SIK3: variants seen among roughly 807,000 people sequenced by gnomAD.
The protein encoded by SIK3 is serine/threonine-protein kinase SIK3.
Under a neutral mutation model 144.2 loss-of-function variants are expected in SIK3, and 28 were observed. That is an observed-to-expected ratio of 0.19 (90% CI 0.14 to 0.27). The LOEUF (loss-of-function observed/expected upper bound fraction) is 0.27. Among genes scored for constraint, SIK3 ranks in the 10% least tolerant of loss-of-function variants. SIK3 has a pLI of 1.00. For synonymous variants in SIK3, 686 were observed against 676.3 expected (o/e 1.01, Z -0.22); for missense variants, 1,319 against 1,776.0 (o/e 0.74, Z 4.62).
chr11:116,980,850 C>T (rs570681499), intron 1 of SIK3, among the ~76,000 whole-genome samples: 146 of 148,816 alleles, frequency 9.8e-4, no homozygotes, highest in African/African-American at 3.6e-3. Context: ...GACCCTGTCT[C>T]GAAAAAAAAA....
In SIK3 at chr11:116,855,083, C is replaced by CAAAAAAAAAAAAAA. The variant is rs528405922; in HGVS notation, c.3655+2713_3655+2726dup. Among the ~76,000 whole-genome samples, 150 of 82,076 alleles carry CAAAAAAAAAAAAAA rather than the reference C, an allele frequency of 1.8e-3. 11 individuals carry two copies. Among genetic ancestry groups the CAAAAAAAAAAAAAA allele is most frequent in the African/African-American group, 5.2e-3 (72 of 13,884 alleles). 53.8% of individuals were successfully genotyped at this position (82,076 alleles called of 152,430 possible). Reference sequence around the variant, plus strand: ...CATGGGTGACAGTGTGAGACTCTGCCAAAAAAAAAAAAAAAAAAAAAAAAA... The same window carrying CAAAAAAAAAAAAAA: ...CATGGGTGACAGTGTGAGACTCTGCCAAAAAAAAAAAAAAAAAAAAAAAAAAAAAAAAAAAAAAA... On this transcript the variant is annotated intron_variant, in intron 21 of 24. Coordinates refer to ENST00000445177, the MANE Select transcript of SIK3 (RefSeq NM_001366686.3).
chr11:117,042,310 G>C (rs1203071770), intron 1 of SIK3, among the ~76,000 whole-genome samples: 2 of 152,122 alleles, frequency 1.3e-5, no homozygotes, highest in Non-Finnish European at 2.9e-5. Flanking sequence ...GTATTCTTTA[G>C]ATCTATTGGC....
At chr11:116,996,746 G>A (rs190863394) in intron 1 of SIK3, among the ~76,000 whole-genome samples, 10 of 149,928 alleles carry the variant, frequency 6.7e-5, no homozygotes, top group Admixed American at 1.3e-4. Flanking sequence ...CTTGAACTCG[G>A]GAGGCGGAGG....
intron 1 of SIK3, among the ~76,000 whole-genome samples, chr11:116,962,206 C>T (rs898432625): frequency 6.6e-6 from 1 of 152,168 alleles, no homozygotes; most frequent in South Asian, 2.1e-4. Context: ...CCTTCCCCAT[C>T]AGAAATAAAT....
At chr11:116,871,182 C>G (rs779473561) in intron 13 of SIK3, among the ~76,000 whole-genome samples, 23 of 152,226 alleles carry the variant, frequency 1.5e-4, no homozygotes, top group Non-Finnish European at 2.5e-4. Flanking sequence ...TGCATCCTTG[C>G]TAGCTACCCA....
intron 4 of SIK3, among the ~76,000 whole-genome samples, chr11:116,916,198 T>C (rs1289110773): frequency 6.6e-6 from 1 of 152,156 alleles, no homozygotes; most frequent in Non-Finnish European, 1.5e-5. Context: ...ATGGTCTGTG[T>C]ATAACCTCCG....
chr11:116,921,361 G>C (rs1946962146), intron 4 of SIK3, among the ~76,000 whole-genome samples: 2 of 152,078 alleles, frequency 1.3e-5, no homozygotes, highest in Non-Finnish European at 2.9e-5. Context: ...TCTAATGTTT[G>C]CTGCCCATAT....
At chr11:116,902,067 C>G (rs1019711552) in intron 4 of SIK3, among the ~76,000 whole-genome samples, 3 of 152,212 alleles carry the variant, frequency 2.0e-5, no homozygotes, top group Non-Finnish European at 4.4e-5. Context: ...CCTTCCTCTT[C>G]TCTCCAGTGC....
At chr11:116,949,456 T>C (rs1366677947) in intron 3 of SIK3, among the ~76,000 whole-genome samples, 1 of 152,250 alleles carries the variant, frequency 6.6e-6, no homozygotes, top group African/African-American at 2.4e-5. Context: ...CTACAAACAA[T>C]ACAATCAAAT....
intron 21 of SIK3, among the ~76,000 whole-genome samples, chr11:116,855,102 A>AAAAACAAAAAAAC (rs1942792864): frequency 6.9e-6 from 1 of 144,328 alleles, no homozygotes; most frequent in East Asian, 2.3e-4. Context: ...AAAAAAAAAA[A>AAAAACAAAAAAAC]AAAAAAACTT....
intron 1 of SIK3, among the ~76,000 whole-genome samples, chr11:117,016,394 G>GGGAA (rs771165423): frequency 0.045 from 2,661 of 59,266 alleles, 152 homozygotes; most frequent in South Asian, 0.12. Context: ...GAGGGAGGGA[G>GGGAA]GGAAGGAAGG....
intron 1 of SIK3, among the ~76,000 whole-genome samples, chr11:117,078,823 G>A (rs1196212478): frequency 1.3e-5 from 2 of 152,078 alleles, no homozygotes; most frequent in African/African-American, 4.8e-5. Context: ...CATCAGTGGG[G>A]TGCCAACACA....
intron 1 of SIK3, among the ~76,000 whole-genome samples, chr11:116,972,140 C>T (rs1949784176): frequency 6.6e-6 from 1 of 150,948 alleles, no homozygotes; most frequent in African/African-American, 2.4e-5. Context: ...TTAACCCATA[C>T]AACAACCCTA....
intron 6 of SIK3, among the ~76,000 whole-genome samples, chr11:116,882,512 C>A (rs1944601083): frequency 6.6e-6 from 1 of 152,178 alleles, no homozygotes; most frequent in Non-Finnish European, 1.5e-5. Flanking sequence ...AAGAACAGAA[C>A]ATGGCAAAAC....
At chr11:116,879,005 G>A (rs1944406648) in intron 6 of SIK3, among the ~76,000 whole-genome samples, 1 of 152,098 alleles carries the variant, frequency 6.6e-6, no homozygotes. Context: ...CTTATTGTCT[G>A]ACTCCTCCAC....
intron 1 of SIK3, among the ~76,000 whole-genome samples, chr11:117,089,778 A>G (rs1565633023): frequency 6.6e-6 from 1 of 152,220 alleles, no homozygotes; most frequent in Non-Finnish European, 1.5e-5. Flanking sequence ...AAAGTATCCA[A>G]CTGAGTGAGC....
intron 4 of SIK3, among the ~76,000 whole-genome samples, chr11:116,904,279 G>C (rs897158525): frequency 3.9e-5 from 6 of 152,218 alleles, no homozygotes; most frequent in African/African-American, 1.2e-4. Flanking sequence ...CACGAGCAAG[G>C]GCAGAACACT....
At position 116,858,710 on chromosome 11, in the gene SIK3, A is replaced by G; in HGVS notation, c.2766-11T>C. 1 of 1,527,358 alleles carries G rather than the reference A, an allele frequency of 6.5e-7. No individual in the cohort carries two copies. The highest frequency in any genetic ancestry group is 2.3e-5 in the East Asian group (1 of 44,110). The allele number at this position is 1,527,358 out of a possible 1,614,324, so 94.6% of individuals were successfully genotyped here. On this transcript the variant is annotated splice_polypyrimidine_tract_variant and intron_variant, in intron 20 of 24. Transcript: ENST00000445177. This position sits in a 1 kb window ranked among gnomAD's most constrained non-coding sequence, Gnocchi z 5.4. The stretch of plus-strand genomic sequence containing the variant: ...CGATTCACGTTCAAGCTGCAGACAC[A>G]AAAGGGAGTACCAGACATCCATGTA...
chr11:116,862,562 G>A (rs936704529), intron 16 of SIK3, among the ~76,000 whole-genome samples: 2 of 152,256 alleles, frequency 1.3e-5, no homozygotes, highest in Non-Finnish European at 2.9e-5. Flanking sequence ...ATGAGTACAA[G>A]TGTCCAATGT....
Sources: gnomAD v4.1 joint callset for allele counts (sites outside exome capture counted in the v4.1 genomes callset) on GRCh38, gnomAD v4.1.1 for gene constraint, Gnocchi (gnomAD v3.1) non-coding constraint, MANE v1.5 for transcripts, NCBI Gene and HGNC (gene_info 2026-07-23, HGNC 2026-07-21) for gene names.